Variants in ZFAT observed in about 807,000 individuals in gnomAD.
The protein encoded by ZFAT is zinc finger protein ZFAT.
In ZFAT, 64 loss-of-function variants were observed where a neutral mutation model predicts 117.7. The ratio of observed to expected loss-of-function variants is 0.54; its 90% CI spans 0.44 to 0.67. The LOEUF is 0.67. Among genes scored for constraint, ZFAT ranks in the 30% least tolerant of loss-of-function variants. The pLI is 0.00. For missense variants in ZFAT, 1,433 were observed against 1,584.5 expected (o/e 0.90, Z 1.62); for synonymous variants, 679 against 615.0 (o/e 1.10, Z -1.54).
chr8:134,648,623 G>A (rs1293443056), intron 2 of ZFAT, among the ~76,000 whole-genome samples: 3 of 152,066 alleles, frequency 2.0e-5, no homozygotes, highest in East Asian at 1.9e-4. Context: ...TAGCAAAGAT[G>A]CATACACCTA....
At chr8:134,636,623 C>T (rs1830226244) in intron 3 of ZFAT, among the ~76,000 whole-genome samples, 1 of 152,142 alleles carries the variant, frequency 6.6e-6, no homozygotes, top group African/African-American at 2.4e-5. Context: ...ACATGGTTAG[C>T]ACAATACAAA....
chr8:134,688,268 T>A (rs1323826086), intron 1 of ZFAT, among the ~76,000 whole-genome samples: 11 of 152,196 alleles, frequency 7.2e-5, no homozygotes, highest in African/African-American at 2.7e-4. Context: ...TCTGCTGTCC[T>A]TTAACACACA....
rs1826368630 is a variant in ZFAT at position 134,590,304 on chromosome 8, G to A, written c.2527C>T (p.Arg843Ter). The A allele has an allele frequency of 5.0e-6, 8 of 1,612,898 alleles. No homozygotes were observed. Among genetic ancestry groups the A allele is most frequent in the African/African-American group, 1.3e-5 (1 of 74,876 alleles). ...GTCTTGATATGTGACTTTATCAATCGATCCTCTGAAAAAGACTTTTCACAA... is the reference window on the plus strand; with the variant it reads ...GTCTTGATATGTGACTTTATCAATCAATCCTCTGAAAAAGACTTTTCACAA... ...PVCEKSFSED[R>*]LIKSHIKTNH... is the part of the protein sequence containing the mutation. The change falls in exon 8 of 16, where the codon CGA becomes TGA. Residue 843 changes from arginine (R) to a stop codon, truncating the protein, a stop_gained. Transcript: ENST00000377838. LOFTEE classifies it high-confidence loss of function.
chr8:134,529,723 G>A (rs977289141), intron 12 of ZFAT, among the ~76,000 whole-genome samples: 2 of 152,156 alleles, frequency 1.3e-5, no homozygotes, highest in Non-Finnish European at 2.9e-5. Flanking sequence ...ACATGTCCCC[G>A]CTCCACGTTG....
intron 12 of ZFAT, among the ~76,000 whole-genome samples, chr8:134,526,031 A>C (rs2130511244): frequency 6.6e-6 from 1 of 152,252 alleles, no homozygotes; most frequent in Middle Eastern, 3.4e-3. Flanking sequence ...CAAGTTATGA[A>C]GACCTCCACT....
chr8:134,586,246 T>C (rs1349120154), intron 9 of ZFAT, among the ~76,000 whole-genome samples: 1 of 152,246 alleles, frequency 6.6e-6, no homozygotes, highest in Admixed American at 6.5e-5. Flanking sequence ...ATTAGATTAC[T>C]TTCAAATGGC....
the ZFAT span, among the ~76,000 whole-genome samples, chr8:134,775,292 A>G: frequency 6.6e-6 from 1 of 152,218 alleles, no homozygotes; most frequent in East Asian, 1.9e-4. Context: ...GCTGTATATT[A>G]CAATTGAAAA....
intron 7 of ZFAT, among the ~76,000 whole-genome samples, chr8:134,596,218 C>T (rs1276080604): frequency 1.3e-5 from 2 of 152,194 alleles, no homozygotes; most frequent in Non-Finnish European, 2.9e-5. Flanking sequence ...AGCACAATCA[C>T]GCTATCCCAC....
intron 5 of ZFAT, among the ~76,000 whole-genome samples, chr8:134,606,289 T>C (rs1328795772): frequency 2.0e-5 from 3 of 152,218 alleles, no homozygotes; most frequent in Non-Finnish European, 4.4e-5. Flanking sequence ...TTTTAAAAGA[T>C]CTTGTTGGCT....
chr8:134,715,387 C>T (rs1410175928), upstream of ZFAT, among the ~76,000 whole-genome samples: 3 of 152,204 alleles, frequency 2.0e-5, no homozygotes, highest in East Asian at 1.9e-4. Context: ...AGAAGAGTTA[C>T]TGAGCACCTA....
the ZFAT span, among the ~76,000 whole-genome samples, chr8:134,755,883 T>C: frequency 1.2e-4 from 18 of 151,780 alleles, no homozygotes; most frequent in Non-Finnish European, 2.9e-5. Context: ...TCCTTTCACT[T>C]GCAACCGAAA....
At chr8:134,547,482 A>C (rs1822784096) in intron 11 of ZFAT, among the ~76,000 whole-genome samples, 1 of 152,130 alleles carries the variant, frequency 6.6e-6, no homozygotes, top group Non-Finnish European at 1.5e-5. Flanking sequence ...CCTCCTCAGG[A>C]CCTGGCTCTG....
At chr8:134,768,007 C>T in the ZFAT span, among the ~76,000 whole-genome samples, 1 of 152,216 alleles carries the variant, frequency 6.6e-6, no homozygotes, top group Non-Finnish European at 1.5e-5. Context: ...ACTCTCTCTT[C>T]TGTTTATTCT....
chr8:134,787,542 T>C, the ZFAT span, among the ~76,000 whole-genome samples: 1 of 152,232 alleles, frequency 6.6e-6, no homozygotes, highest in African/African-American at 2.4e-5. Flanking sequence ...TTTGGTCTAT[T>C]TGTCTATCCT....
intron 15 of ZFAT, among the ~76,000 whole-genome samples, chr8:134,486,044 C>T (rs1167851864): frequency 6.6e-6 from 1 of 152,172 alleles, no homozygotes; most frequent in African/African-American, 2.4e-5. Flanking sequence ...GCAGAACCTA[C>T]CAAATTATTT....
chr8:134,811,661 T>G, the ZFAT span, among the ~76,000 whole-genome samples: 1 of 152,162 alleles, frequency 6.6e-6, no homozygotes, highest in Non-Finnish European at 1.5e-5. Context: ...TATTAATGTT[T>G]TGAACTCCAA....
At chr8:134,676,475 A>G (rs1832809934) in intron 1 of ZFAT, among the ~76,000 whole-genome samples, 1 of 152,216 alleles carries the variant, frequency 6.6e-6, no homozygotes, top group Non-Finnish European at 1.5e-5. Flanking sequence ...AAAGAGACTT[A>G]GACTCCCACA....
chr8:134,829,117 A>G, the ZFAT span, among the ~76,000 whole-genome samples: 6 of 152,250 alleles, frequency 3.9e-5, no homozygotes, highest in African/African-American at 2.4e-5. Context: ...ACCTGATCAT[A>G]AAGTTTTACT....
chr8:134,696,062 C>A (rs984815203), intron 1 of ZFAT, among the ~76,000 whole-genome samples: 5 of 152,008 alleles, frequency 3.3e-5, no homozygotes, highest in Non-Finnish European at 1.5e-5. Context: ...GCCCTGCCTG[C>A]GTCTCTAACT....
Sources: gnomAD v4.1 joint callset for allele counts (sites outside exome capture counted in the v4.1 genomes callset) on GRCh38, gnomAD v4.1.1 for gene constraint, MANE v1.5 for transcripts, NCBI Gene and HGNC (gene_info 2026-07-23, HGNC 2026-07-21) for gene names.